Variants in IMMP2L observed in about 807,000 individuals in gnomAD.
IMMP2L encodes the protein mitochondrial inner membrane protease subunit 2.
In IMMP2L, 18 loss-of-function variants were observed where a neutral mutation model predicts 19.3. The ratio of observed to expected loss-of-function variants is 0.93; its 90% CI spans 0.64 to 1.38. IMMP2L has a LOEUF of 1.38. IMMP2L is among the 40% of genes most tolerant of loss of function. The pLI is 0.00. For synonymous variants in IMMP2L, 76 were observed against 73.0 expected, an observed-to-expected ratio of 1.04 and a Z score of -0.21; for missense variants, 233 against 218.2, an observed-to-expected ratio of 1.07 and a Z score of -0.43.
At chr7:110,871,797 A>G (rs1420515874) in intron 5 of IMMP2L, among the ~76,000 whole-genome samples, 1 of 152,212 alleles carries the variant, frequency 6.6e-6, no homozygotes, top group Non-Finnish European at 1.5e-5. Context: ...AAAACAATAT[A>G]GTTTTTTTAA....
chr7:111,280,750 A>T lies in IMMP2L; in HGVS notation c.239+206488T>A, dbSNP rs140441204. Reference sequence around the variant, plus strand: ...TAAGTGTTTAAAGGCTTGGATAAGAACTGATTGAGTAAGAACAACAAAGAA... The same window carrying T: ...TAAGTGTTTAAAGGCTTGGATAAGATCTGATTGAGTAAGAACAACAAAGAA... On this transcript the variant is annotated intron_variant, in intron 3 of 5. Transcript: ENST00000405709. Among the ~76,000 whole-genome samples, 319 of 152,210 alleles carry T rather than the reference A, an allele frequency of 2.1e-3. 3 individuals carry two copies. The highest frequency in any genetic ancestry group is 7.2e-3 in the African/African-American group (301 of 41,536).
chr7:110,794,739 AT>A (rs1800746465), intron 5 of IMMP2L, among the ~76,000 whole-genome samples: 4 of 152,184 alleles, frequency 2.6e-5, no homozygotes, highest in Admixed American at 2.6e-4. Flanking sequence ...GAATGTTTTG[AT>A]TATGAGATGA....
chr7:110,880,689 T>TA (rs568133667), intron 5 of IMMP2L, among the ~76,000 whole-genome samples: 1 of 151,888 alleles, frequency 6.6e-6, no homozygotes, highest in Non-Finnish European at 1.5e-5. Flanking sequence ...AACCTCACTT[T>TA]AAAAAAAATT....
At chr7:110,808,396 G>A (rs1801775506) in intron 5 of IMMP2L, among the ~76,000 whole-genome samples, 1 of 152,020 alleles carries the variant, frequency 6.6e-6, no homozygotes, top group Admixed American at 6.6e-5. Flanking sequence ...AATAGGAGAA[G>A]GGAATCAAGA....
chr7:111,125,488 G>A (rs1283965865), intron 3 of IMMP2L: 1 of 166,704 alleles, frequency 6.0e-6, no homozygotes, highest in Non-Finnish European at 1.5e-5. Flanking sequence ...AAATGATAAA[G>A]TTTTTAAAAG....
In IMMP2L at chr7:111,411,430, C is replaced by G. The variant is rs1046940511; in HGVS notation, c.239+75808G>C. 3 of 500,952 alleles carry G rather than the reference C, an allele frequency of 6.0e-6. No homozygotes were observed. In the Admixed American group the frequency reaches 6.1e-5, roughly 10 times the overall value. 31.0% of individuals were successfully genotyped at this position (500,952 alleles called of 1,614,324 possible). A position where few individuals can be genotyped will look rare whatever the true frequency, so the allele number is the denominator to read the frequency against. ...TGACCATCAAGATGGCACCACCTCA[C>G]CAGACCTCCTTGGAGCTCTTCGTGT... On this transcript the variant is annotated intron_variant, in intron 3 of 5. Transcript: ENST00000405709.
chr7:110,697,331 C>T (rs1476754184), intron 5 of IMMP2L, among the ~76,000 whole-genome samples: 2 of 152,150 alleles, frequency 1.3e-5, no homozygotes, highest in African/African-American at 4.8e-5. Context: ...CTGACCTGAA[C>T]ACAAATACAG....
intron 5 of IMMP2L, among the ~76,000 whole-genome samples, chr7:110,864,527 A>G (rs1807788043): frequency 6.6e-6 from 1 of 152,148 alleles, no homozygotes; most frequent in Non-Finnish European, 1.5e-5. Context: ...TTATTTAAAG[A>G]GTATGTTTAG....
chr7:111,059,214 C>A (rs1793788389), intron 3 of IMMP2L, among the ~76,000 whole-genome samples: 1 of 152,082 alleles, frequency 6.6e-6, no homozygotes, highest in African/African-American at 2.4e-5. Context: ...AAACTCCTGA[C>A]CTTGTGATCC....
At chr7:110,788,197 T>C (rs1800218945) in intron 5 of IMMP2L, among the ~76,000 whole-genome samples, 1 of 152,020 alleles carries the variant, frequency 6.6e-6, no homozygotes, top group South Asian at 2.1e-4. Flanking sequence ...CTCTTCGAAA[T>C]AGATGTTCAC....
intron 3 of IMMP2L, among the ~76,000 whole-genome samples, chr7:111,191,431 T>TACACACAC (rs57414194): frequency 0.019 from 2,821 of 146,718 alleles, 33 homozygotes; most frequent in South Asian, 0.038. Context: ...GCTGCTCAAA[T>TACACACAC]ACACACACAC....
intron 3 of IMMP2L, among the ~76,000 whole-genome samples, chr7:111,257,660 T>G (rs1004686777): frequency 5.3e-5 from 8 of 152,120 alleles, no homozygotes; most frequent in Admixed American, 2.0e-4. Flanking sequence ...ACTGATTCGT[T>G]TCTCTATAAA....
At chr7:111,406,318 C>G (rs561856776) in intron 3 of IMMP2L, among the ~76,000 whole-genome samples, 1 of 152,158 alleles carries the variant, frequency 6.6e-6, no homozygotes, top group South Asian at 2.1e-4. Context: ...TATCCAGAAT[C>G]TGGCCACTTC....
chr7:110,881,998 A>G (rs993436560), intron 5 of IMMP2L, among the ~76,000 whole-genome samples: 2 of 152,074 alleles, frequency 1.3e-5, no homozygotes, highest in Non-Finnish European at 2.9e-5. Flanking sequence ...ACCCCCATCT[A>G]GAGTATTTGC....
chr7:111,449,023 T>C (rs1446452708), intron 3 of IMMP2L, among the ~76,000 whole-genome samples: 5 of 151,240 alleles, frequency 3.3e-5, no homozygotes, highest in African/African-American at 1.2e-4. Context: ...AAGTTGAATC[T>C]CTGAATAGAC....
At chr7:111,514,072 T>C (rs1254544832) in intron 2 of IMMP2L, among the ~76,000 whole-genome samples, 1 of 152,022 alleles carries the variant, frequency 6.6e-6, no homozygotes, top group African/African-American at 2.4e-5. Flanking sequence ...GTATACAAAG[T>C]TTCAGTTATG....
At chr7:111,471,815 C>A (rs1554513102) in intron 3 of IMMP2L, among the ~76,000 whole-genome samples, 1 of 151,724 alleles carries the variant, frequency 6.6e-6, no homozygotes. Flanking sequence ...CACAGCCAGC[C>A]TATATATATA....
At chr7:110,742,853 A>G (rs1225627393) in intron 5 of IMMP2L, among the ~76,000 whole-genome samples, 3 of 152,144 alleles carry the variant, frequency 2.0e-5, no homozygotes, top group Admixed American at 6.5e-5. Flanking sequence ...GGGATGCAAT[A>G]TAACAAATTA....
At chr7:111,555,290 T>C (rs1363164023) in intron 1 of IMMP2L, among the ~76,000 whole-genome samples, 1 of 152,140 alleles carries the variant, frequency 6.6e-6, no homozygotes, top group African/African-American at 2.4e-5. Flanking sequence ...GAGAATAATG[T>C]ATGCAAAAGG....
Sources: gnomAD v4.1 joint callset for allele counts (sites outside exome capture counted in the v4.1 genomes callset) on GRCh38, gnomAD v4.1.1 for gene constraint, MANE v1.5 for transcripts, NCBI Gene and HGNC (gene_info 2026-07-23, HGNC 2026-07-21) for gene names.